The following RD3 variants were observed in gnomAD, a reference collection of about 807,000 sequenced individuals.
RD3 encodes the protein protein RD3.
Under a neutral mutation model 16.9 loss-of-function variants are expected in RD3, and 11 were observed. The observed-to-expected ratio is 0.65, with a 90% confidence interval of 0.41 to 1.08. The LOEUF (loss-of-function observed/expected upper bound fraction) is 1.08. Ranked by LOEUF, RD3 falls within the 50% of genes least tolerant of loss-of-function variation. The pLI is 0.00. For synonymous variants in RD3, 116 were observed against 114.8 expected (o/e 1.01, Z -0.07); for missense variants, 274 against 267.4 (o/e 1.02, Z -0.17).
At chr1:211,488,348 A>C (rs1705417222) in intron 1 of RD3, among the ~76,000 whole-genome samples, 1 of 152,138 alleles carries the variant, frequency 6.6e-6, no homozygotes, top group Non-Finnish European at 1.5e-5. Flanking sequence ...CAGCCTGGCC[A>C]ATATGGTGAA....
chr1:211,479,252 C>T lies in RD3; in HGVS notation c.372G>A (p.Glu124=), dbSNP rs1475644487. 6.2e-7 allele frequency: 1 copy of T among 1,608,328 alleles called. No individual in the cohort carries two copies. The highest frequency in any genetic ancestry group is 8.5e-7 in the Non-Finnish European group (1 of 1,177,636). Residue 124 remains glutamate (E), a synonymous_variant, in exon 3 of 3, where the codon GAG becomes GAA. Transcript: ENST00000680073. The part of the protein sequence containing the change: ...VSQLFRSVLQ[E]VLERMKQEEE... ...CTTCCTGCTTCATCCTCTCCAGGAC[C>T]TCCTGCAGCACCGAGCGGAAGAGCT...
At chr1:211,488,672 G>T (rs1309592704) in intron 1 of RD3, among the ~76,000 whole-genome samples, 1 of 152,192 alleles carries the variant, frequency 6.6e-6, no homozygotes, top group East Asian at 1.9e-4. Context: ...GGCCCTGCTT[G>T]TTAAGACCCC....
chr1:211,488,273 G>C, intron 1 of RD3, among the ~76,000 whole-genome samples: 1 of 152,236 alleles, frequency 6.6e-6, no homozygotes, highest in East Asian at 1.9e-4. Context: ...GGTGGCTCAC[G>C]ACTATAATCC....
chr1:211,484,616 AT>A (rs1705336466), intron 1 of RD3, among the ~76,000 whole-genome samples: 1 of 152,220 alleles, frequency 6.6e-6, no homozygotes, highest in South Asian at 2.1e-4. Flanking sequence ...TAAATAAAGT[AT>A]GTTCCGTTTC....
At chr1:211,491,488 T>C (rs1205073971) in intron 1 of RD3, among the ~76,000 whole-genome samples, 1 of 151,926 alleles carries the variant, frequency 6.6e-6, no homozygotes, top group Non-Finnish European at 1.5e-5. Flanking sequence ...GCAAAAACAA[T>C]GGCTTCCCAC....
chr1:211,478,188 G>C lies in RD3; in HGVS notation c.*848C>G, dbSNP rs1183358521. On this transcript the variant is annotated 3_prime_UTR_variant, in exon 3 of 3. Transcript: ENST00000680073. ...CCTCTGGAAGAAGCTGTTAGGGACT[G>C]GCCACAGCCCATGCGATGACATTGT... 2 of 398,516 alleles carry C rather than the reference G, an allele frequency of 5.0e-6. No homozygotes were observed. Among genetic ancestry groups the C allele is most frequent in the Admixed American group, 4.4e-5 (1 of 22,716 alleles). 24.7% of individuals were successfully genotyped at this position (398,516 alleles called of 1,614,324 possible).
intron 1 of RD3, among the ~76,000 whole-genome samples, chr1:211,488,012 C>T (rs1409605782): frequency 2.0e-5 from 3 of 152,210 alleles, no homozygotes; most frequent in Non-Finnish European, 2.9e-5. Context: ...AGGGTGTGCC[C>T]AGGAAGTGCC....
Position 211,479,100 on chromosome 1 carries a change from C to T in RD3, c.524G>A (p.Arg175Gln). 1.2e-6 allele frequency: 2 copies of T among 1,611,316 alleles called. No individual in the cohort carries two copies. The highest frequency in any genetic ancestry group is 1.3e-5 in the African/African-American group (1 of 75,066). ...DIRTISEDVE[R>Q]DTPPPLRSWS... ...GGACCGCAGTGGCGGCGGTGTGTCC[C>T]GCTCCACGTCCTCGGAGATGGTCCT... Residue 175 changes from arginine (R) to glutamine (Q), a missense_variant, in exon 3 of 3, where the codon CGG becomes CAG. Arg to Gln is a conservative substitution (Grantham distance 43). Coordinates refer to ENST00000680073, the MANE Select transcript of RD3 (RefSeq NM_001164688.2).
At chr1:211,483,963 A>C (rs1705325457) in intron 1 of RD3, among the ~76,000 whole-genome samples, 1 of 152,204 alleles carries the variant, frequency 6.6e-6, no homozygotes, top group Non-Finnish European at 1.5e-5. Context: ...GCACAGCTCC[A>C]TGCCTTTGTC....
At chr1:211,491,532 G>C (rs936649363) in intron 1 of RD3, among the ~76,000 whole-genome samples, 1 of 152,094 alleles carries the variant, frequency 6.6e-6, no homozygotes. Context: ...CTATAGCCCC[G>C]AGGAAGCTGC....
chr1:211,481,381 G>A lies in RD3; in HGVS notation c.35C>T (p.Ala12Val), dbSNP rs1705258459. 1.2e-6 allele frequency: 2 copies of A among 1,613,496 alleles called. No individual in the cohort carries two copies. The highest frequency in any genetic ancestry group is 1.1e-5 in the South Asian group (1 of 91,050). The change falls in exon 2 of 3, where the codon GCC becomes GTC. Residue 12 changes from alanine to valine, a missense_variant. Ala to Val is a moderately conservative substitution (Grantham distance 64). Transcript: ENST00000680073. ...GCTCCTGGTGGACAGCCGGGATGGG[G>A]CCTCGTTCCACCGAAGCCATGAGAT... is the stretch of plus-strand genomic sequence containing the variant. ...SLISWLRWNEAPSRLSTRSPA... is the reference protein window; with the variant it reads ...SLISWLRWNEVPSRLSTRSPA...
chr1:211,490,808 G>A (rs1705475760), intron 1 of RD3, among the ~76,000 whole-genome samples: 2 of 152,018 alleles, frequency 1.3e-5, no homozygotes, highest in South Asian at 2.1e-4. Flanking sequence ...CCCTGCAGCC[G>A]GCCCCTCACT....
At position 211,481,269 on chromosome 1, in the gene RD3, A is replaced by T. The variant is rs746306868; in HGVS notation, c.147T>A (p.Asn49Lys). The change falls in exon 2 of 3, where the codon AAT becomes AAA. Residue 49 changes from asparagine to lysine, a missense_variant. Asn to Lys is a moderately conservative substitution (Grantham distance 94). Coordinates refer to ENST00000680073, the MANE Select transcript of RD3 (RefSeq NM_001164688.2). ...EAERQQRERSNAVRKVCTGVD... is the reference protein window; with the variant it reads ...EAERQQRERSKAVRKVCTGVD... Reference sequence around the variant, plus strand: ...CACCGGTGCAGACCTTTCTGACCGCATTGCTGCGCTCCCGCTGCTGCCTCT... The same window carrying T: ...CACCGGTGCAGACCTTTCTGACCGCTTTGCTGCGCTCCCGCTGCTGCCTCT... The T allele has an allele frequency of 6.2e-7, 1 of 1,614,236 alleles. No individual in the cohort carries two copies. The highest frequency in any genetic ancestry group is 2.2e-5 in the East Asian group (1 of 44,888).
At position 211,478,977 on chromosome 1, in the gene RD3, C is replaced by G. The variant is rs1572140017; in HGVS notation, c.*59G>C. The G allele has an allele frequency of 6.8e-7, 1 of 1,477,884 alleles. No individual in the cohort carries two copies. Among genetic ancestry groups the G allele is most frequent in the Non-Finnish European group, 9.0e-7 (1 of 1,110,678 alleles). The allele number at this position is 1,477,884 out of a possible 1,614,324, so 91.5% of individuals were successfully genotyped here. A position where few individuals can be genotyped will look rare whatever the true frequency, so the allele number is the denominator to read the frequency against. On this transcript the variant is annotated 3_prime_UTR_variant, in exon 3 of 3. Transcript: ENST00000680073. ...AGGTTCCAGGGCCCGGCGCTCCGGT[C>G]ACCGGCCTATCATTCCCCCTGCAGA...
chr1:211,481,437 A>G lies in RD3; in HGVS notation c.-11-11T>C. ...ACATAGCCCCTGGCCCTGCTGAGAC[A>G]GGACAGATGTGCATCTTTCCTGGGC... On this transcript the variant is annotated splice_polypyrimidine_tract_variant and intron_variant, in intron 1 of 2. Transcript: ENST00000680073. The G allele has an allele frequency of 6.2e-7, 1 of 1,611,160 alleles. No individual in the cohort carries two copies. Among genetic ancestry groups the G allele is most frequent in the African/African-American group, 1.3e-5 (1 of 75,014 alleles).
Position 211,482,844 on chromosome 1 carries a change from C to G in RD3, c.-11-1418G>C, listed in dbSNP as rs142661009. On this transcript the variant is annotated intron_variant, in intron 1 of 2. Coordinates refer to ENST00000680073, the MANE Select transcript of RD3 (RefSeq NM_001164688.2). ...TTTCTGCACCTTTCTCCCTCCAAGC[C>G]GTTCCCCCTTCCATGCACCAATGAT... is the stretch of plus-strand genomic sequence containing the variant. Among the ~76,000 whole-genome samples the G allele has an allele frequency of 3.2e-3, 488 of 151,896 alleles. 14 individuals are homozygous for G. The highest frequency in any genetic ancestry group is 0.011 in the African/African-American group (468 of 41,212).
rs569166709 is a variant in RD3, at chr1:211,479,729, C to T, written c.297-402G>A. Among the ~76,000 whole-genome samples, 12 of 152,316 alleles carry T rather than the reference C, an allele frequency of 7.9e-5. No individual in the cohort carries two copies. In the South Asian group the frequency reaches 1.4e-3, roughly 18 times the overall value. ...TTCTCCACCCACTGGCCAGCATGATCTTTCTGAAACCTATATCTGATTATG... is the reference window on the plus strand; with the variant it reads ...TTCTCCACCCACTGGCCAGCATGATTTTTCTGAAACCTATATCTGATTATG... On this transcript the variant is annotated intron_variant, in intron 2 of 2. Coordinates refer to ENST00000680073, the MANE Select transcript of RD3 (RefSeq NM_001164688.2).
chr1:211,489,682 C>T (rs1055326969), intron 1 of RD3, among the ~76,000 whole-genome samples: 1 of 151,524 alleles, frequency 6.6e-6, no homozygotes, highest in Non-Finnish European at 1.5e-5. Context: ...TGTCCACAGG[C>T]TTCACAGACT....
At chr1:211,490,161 A>G (rs968396085) in intron 1 of RD3, among the ~76,000 whole-genome samples, 1 of 152,136 alleles carries the variant, frequency 6.6e-6, no homozygotes, top group African/African-American at 2.4e-5. Context: ...TGGCACTCAG[A>G]GGGGGACCAG....
Sources: allele counts gnomAD v4.1 joint callset (sites outside exome capture counted in the v4.1 genomes callset), GRCh38; gene constraint gnomAD v4.1.1; transcripts MANE v1.5; gene names NCBI Gene and HGNC (gene_info 2026-07-23, HGNC 2026-07-21).